The following KSR2 variants were observed in gnomAD, a reference collection of about 807,000 sequenced individuals.
KSR2 encodes the protein kinase suppressor of ras 2.
A neutral mutation model predicts 107.8 loss-of-function variants in KSR2; 25 were observed. The ratio of observed to expected loss-of-function variants is 0.23; its 90% CI spans 0.17 to 0.32. The LOEUF (loss-of-function observed/expected upper bound fraction) is 0.32, where lower values mean the gene tolerates loss of function less well. Among genes scored for constraint, KSR2 ranks in the 10% least tolerant of loss-of-function variants. KSR2 has a pLI of 1.00. For synonymous variants in KSR2, 480 were observed against 507.0 expected (o/e 0.95, Z 0.71); for missense variants, 887 against 1,268.9 (o/e 0.70, Z 4.57).
chr12:117,514,524 G>GTT (rs1403543815), intron 14 of KSR2, among the ~76,000 whole-genome samples: 2 of 144,722 alleles, frequency 1.4e-5, no homozygotes, highest in East Asian at 2.1e-4. Flanking sequence ...GATGTCTTTG[G>GTT]TTTCTCTCTC....
At chr12:117,550,838 G>A (rs554111612) in intron 9 of KSR2, among the ~76,000 whole-genome samples, 40 of 50,490 alleles carry the variant, frequency 7.9e-4, no homozygotes, top group African/African-American at 3.0e-3. Flanking sequence ...AATGGCCTAT[G>A]GGCTGCTTTG....
At chr12:117,686,937 G>A (rs1291344148) in intron 4 of KSR2, among the ~76,000 whole-genome samples, 1 of 152,156 alleles carries the variant, frequency 6.6e-6, no homozygotes, top group Non-Finnish European at 1.5e-5. Context: ...AGTTCCTGAG[G>A]GCTTGGAGAG....
intron 1 of KSR2, among the ~76,000 whole-genome samples, chr12:117,876,553 G>T (rs901043966): frequency 3.3e-5 from 5 of 152,102 alleles, no homozygotes; most frequent in Non-Finnish European, 5.9e-5. Context: ...ATAGAAAAAA[G>T]GGTTTATATA....
At chr12:117,793,292 C>CAA (rs1566017503) in intron 3 of KSR2, among the ~76,000 whole-genome samples, 1 of 134,462 alleles carries the variant, frequency 7.4e-6, no homozygotes. Context: ...ATGCAACATA[C>CAA]CATACACACA....
chr12:117,964,285 G>A (rs1464453310), intron 1 of KSR2, among the ~76,000 whole-genome samples: 2 of 152,132 alleles, frequency 1.3e-5, no homozygotes, highest in African/African-American at 4.8e-5. Context: ...CTCTCTTGGA[G>A]GCCTAATACA....
chr12:117,626,559 C>T (rs146339766), intron 5 of KSR2, among the ~76,000 whole-genome samples: 1,646 of 152,178 alleles, frequency 0.011, 13 homozygotes, highest in Middle Eastern at 0.017. Context: ...ATTGCACTGT[C>T]GTCTGAGAGA....
At chr12:117,561,886 C>T (rs1331744465) in intron 7 of KSR2, among the ~76,000 whole-genome samples, 4 of 152,166 alleles carry the variant, frequency 2.6e-5, no homozygotes, top group Admixed American at 6.5e-5. Context: ...AAATGTGAAA[C>T]GGGCCTTTCA....
intron 16 of KSR2, among the ~76,000 whole-genome samples, chr12:117,480,405 G>A (rs557807561): frequency 3.3e-5 from 5 of 152,120 alleles, no homozygotes; most frequent in East Asian, 1.9e-4. Context: ...TGGGCCCACC[G>A]ATGACAAACC....
At chr12:117,585,974 A>C (rs1879965239) in intron 5 of KSR2, among the ~76,000 whole-genome samples, 1 of 152,240 alleles carries the variant, frequency 6.6e-6, no homozygotes, top group Admixed American at 6.5e-5. Flanking sequence ...CTTGCTGTTG[A>C]TGTCTTCTGA....
chr12:117,613,983 T>C (rs960476890), intron 5 of KSR2, among the ~76,000 whole-genome samples: 1 of 152,212 alleles, frequency 6.6e-6, no homozygotes, highest in Non-Finnish European at 1.5e-5. Flanking sequence ...TTCAGAGATC[T>C]ATATGCAAGC....
At chr12:117,879,421 T>C (rs1324079990) in intron 1 of KSR2, among the ~76,000 whole-genome samples, 1 of 152,268 alleles carries the variant, frequency 6.6e-6, no homozygotes, top group Non-Finnish European at 1.5e-5. Flanking sequence ...GCTAGGCATA[T>C]TTATAAGTTT....
chr12:117,745,470 T>C (rs1341780231), intron 4 of KSR2, among the ~76,000 whole-genome samples: 1 of 152,134 alleles, frequency 6.6e-6, no homozygotes, highest in Non-Finnish European at 1.5e-5. Context: ...ATCTAAAATA[T>C]ATAAGGAATT....
chr12:117,770,937 A>G lies in KSR2; in HGVS notation c.473-9413T>C, dbSNP rs1433467283. ...GCTTGCAGTGGGCCAAGATCGCACC[A>G]CTGCACTCCAGCCTGGGCGACAGAG... On this transcript the variant is annotated intron_variant, in intron 3 of 19. Transcript: ENST00000339824. Among the ~76,000 whole-genome samples, 4 of 147,322 alleles carry G rather than the reference A, an allele frequency of 2.7e-5. No homozygotes were observed. The East Asian group carries it at 8.0e-4, about 29-fold the overall frequency.
At chr12:117,840,419 G>A (rs1892419175) in intron 3 of KSR2, among the ~76,000 whole-genome samples, 1 of 151,532 alleles carries the variant, frequency 6.6e-6, no homozygotes. Context: ...TTATTGAGAT[G>A]GAATCTTGCT....
At chr12:117,711,345 G>T (rs1886770543) in intron 4 of KSR2, among the ~76,000 whole-genome samples, 1 of 152,216 alleles carries the variant, frequency 6.6e-6, no homozygotes, top group Non-Finnish European at 1.5e-5. Flanking sequence ...AATGGGGATG[G>T]GGAGAGAGAA....
At chr12:117,530,438 A>G (rs1366972992) in intron 12 of KSR2, among the ~76,000 whole-genome samples, 10 of 152,188 alleles carry the variant, frequency 6.6e-5, no homozygotes, top group Non-Finnish European at 1.3e-4. Context: ...ACAAATAGGC[A>G]TGGCTGTGTT....
chr12:117,662,759 C>G (rs1292805944), intron 5 of KSR2, among the ~76,000 whole-genome samples: 1 of 152,182 alleles, frequency 6.6e-6, no homozygotes, highest in African/African-American at 2.4e-5. Flanking sequence ...TGTGTTCTCC[C>G]AACCCCAAGC....
chr12:117,504,232 T>G (rs969037412), intron 14 of KSR2, among the ~76,000 whole-genome samples: 6 of 152,222 alleles, frequency 3.9e-5, no homozygotes, highest in African/African-American at 1.4e-4. Flanking sequence ...CAATGTTGCA[T>G]CTTCATGGGA....
intron 1 of KSR2, among the ~76,000 whole-genome samples, chr12:117,892,063 C>T (rs1175533166): frequency 6.6e-6 from 1 of 151,754 alleles, no homozygotes; most frequent in Admixed American, 6.6e-5. Flanking sequence ...CTTTGGGAGG[C>T]CAAGGTAAGT....
Sources: allele counts gnomAD v4.1 joint callset (sites outside exome capture counted in the v4.1 genomes callset), GRCh38; gene constraint gnomAD v4.1.1; transcripts MANE v1.5; gene names NCBI Gene and HGNC (gene_info 2026-07-23, HGNC 2026-07-21).